The following NRG3 variants were observed in gnomAD, a reference collection of about 807,000 sequenced individuals.
The protein encoded by NRG3 is pro-neuregulin-3, membrane-bound isoform.
In NRG3, 31 loss-of-function variants were observed where a neutral mutation model predicts 66.9. That is an observed-to-expected ratio of 0.46 (90% CI 0.35 to 0.63). The LOEUF is 0.63. Among genes scored for constraint, NRG3 ranks in the 20% least tolerant of loss-of-function variants. The pLI, the probability that NRG3 is intolerant of heterozygous loss-of-function variation, is 0.00. For synonymous variants in NRG3, 393 were observed against 359.4 expected (o/e 1.09, Z -1.06); for missense variants, 910 against 878.9 (o/e 1.04, Z -0.45).
At chr10:82,041,810 A>ATCTC (rs71007288) in intron 1 of NRG3, among the ~76,000 whole-genome samples, 31,550 of 93,890 alleles carry the variant, frequency 0.34, 3,407 homozygotes, top group Middle Eastern at 0.41. Context: ...TGGTCTACTG[A>ATCTC]TCTCTCTCTC....
chr10:82,966,697 A>G (rs183033713), intron 6 of NRG3, among the ~76,000 whole-genome samples: 119 of 152,254 alleles, frequency 7.8e-4, no homozygotes, highest in African/African-American at 2.7e-3. Context: ...TTGGGATTCT[A>G]TCACAAAGGG....
intron 1 of NRG3, among the ~76,000 whole-genome samples, chr10:82,271,752 C>A (rs2078608641): frequency 6.6e-5 from 10 of 152,032 alleles, no homozygotes; most frequent in African/African-American, 2.2e-4. Context: ...AAAAGAGAAA[C>A]AGCATGAATA....
At chr10:82,648,967 C>A (rs2133872254) in intron 2 of NRG3, among the ~76,000 whole-genome samples, 1 of 152,220 alleles carries the variant, frequency 6.6e-6, no homozygotes, top group Non-Finnish European at 1.5e-5. Context: ...ATTGATGGGA[C>A]ATATCTCAAA....
At chr10:82,793,416 G>A (rs2060670188) in intron 3 of NRG3, among the ~76,000 whole-genome samples, 1 of 152,132 alleles carries the variant, frequency 6.6e-6, no homozygotes, top group Non-Finnish European at 1.5e-5. Flanking sequence ...ACCCAGTCAG[G>A]AAGCATCTTA....
chr10:82,151,007 A>G (rs544689259), intron 1 of NRG3, among the ~76,000 whole-genome samples: 1 of 152,362 alleles, frequency 6.6e-6, no homozygotes, highest in African/African-American at 2.4e-5. Context: ...ATGTACAGAA[A>G]GCCTGGATAG....
At chr10:81,891,866 G>A (rs1438785683) in intron 1 of NRG3, among the ~76,000 whole-genome samples, 2 of 152,000 alleles carry the variant, frequency 1.3e-5, no homozygotes, top group African/African-American at 4.8e-5. Context: ...AGGAGGCCAG[G>A]GTTTTAAATT....
At chr10:82,669,906 C>T (rs1381172579) in intron 2 of NRG3, among the ~76,000 whole-genome samples, 1 of 149,062 alleles carries the variant, frequency 6.7e-6, no homozygotes, top group African/African-American at 2.5e-5. Context: ...CCAGCCTGGG[C>T]GACAGAGAGA....
intron 1 of NRG3, among the ~76,000 whole-genome samples, chr10:82,075,707 G>A (rs1278554460): frequency 3.3e-5 from 5 of 151,870 alleles, no homozygotes; most frequent in African/African-American, 7.3e-5. Context: ...TTTTTTCGAA[G>A]TGTATGCTGT....
At chr10:82,971,999 C>A (rs1355190974) in intron 6 of NRG3, among the ~76,000 whole-genome samples, 1 of 152,062 alleles carries the variant, frequency 6.6e-6, no homozygotes, top group Non-Finnish European at 1.5e-5. Flanking sequence ...ACATAGAAGA[C>A]CAGATATTCA....
At chr10:82,208,861 G>A (rs538041527) in intron 1 of NRG3, among the ~76,000 whole-genome samples, 32 of 152,222 alleles carry the variant, frequency 2.1e-4, no homozygotes, top group Admixed American at 1.4e-3. Context: ...ATTGTTTTGG[G>A]TAGTTGGTTT....
chr10:82,926,480 C>T (rs550211404), intron 4 of NRG3, among the ~76,000 whole-genome samples: 1 of 152,304 alleles, frequency 6.6e-6, no homozygotes, highest in Admixed American at 6.5e-5. Context: ...TAAATAAAAA[C>T]TTTCTAAAAA....
intron 3 of NRG3, among the ~76,000 whole-genome samples, chr10:82,783,595 C>G (rs1201613145): frequency 6.6e-6 from 1 of 152,118 alleles, no homozygotes; most frequent in Non-Finnish European, 1.5e-5. Context: ...CATGAGTGAA[C>G]TCCCATTCAC....
chr10:82,097,966 T>A (rs1479477648), intron 1 of NRG3, among the ~76,000 whole-genome samples: 3 of 151,916 alleles, frequency 2.0e-5, no homozygotes, highest in African/African-American at 4.8e-5. Flanking sequence ...ATCATTTCAT[T>A]TTGAAAGTAG....
intron 3 of NRG3, among the ~76,000 whole-genome samples, chr10:82,860,164 T>C (rs342399): frequency 3.3e-5 from 5 of 152,064 alleles, no homozygotes; most frequent in African/African-American, 9.7e-5. Flanking sequence ...CGGTAACCAA[T>C]GAAGAAATAT....
At position 82,418,402 on chromosome 10, in the gene NRG3, A is replaced by G. The variant is rs113256720; in HGVS notation, c.953+59534A>G. Among the ~76,000 whole-genome samples the G allele has an allele frequency of 8.2e-3, 1,200 of 145,632 alleles. 8 individuals carry two copies. The highest frequency in any genetic ancestry group is 0.022 in the African/African-American group (837 of 38,918). On this transcript the variant is annotated intron_variant, in intron 2 of 8. Coordinates refer to ENST00000372141, the MANE Select transcript of NRG3 (RefSeq NM_001010848.4). ...AATTAACCAGTTTATGCAAATGTTT[A>G]TGCAAATTAACCAGTTTATGCAAAT...
Position 82,081,770 on chromosome 10 carries a change from G to A in NRG3, c.823+205607G>A, listed in dbSNP as rs182385316. On this transcript the variant is annotated intron_variant, in intron 1 of 8. Coordinates refer to ENST00000372141, the MANE Select transcript of NRG3 (RefSeq NM_001010848.4). ...GGCAGTGGGGCCATTTCTCCGCATG[G>A]TCTTGGTCTGGGTGCATGTGCCACA... Among the ~76,000 whole-genome samples the A allele has an allele frequency of 2.0e-4, 30 of 152,298 alleles. No homozygotes were observed. The East Asian group carries it at 2.5e-3, about 13-fold the overall frequency.
chr10:82,203,927 T>A (rs2074981206), intron 1 of NRG3, among the ~76,000 whole-genome samples: 1 of 152,216 alleles, frequency 6.6e-6, no homozygotes, highest in Non-Finnish European at 1.5e-5. Flanking sequence ...ATAACCTGAC[T>A]TTTCATTATG....
At chr10:82,421,350 A>T (rs925166883) in intron 2 of NRG3, among the ~76,000 whole-genome samples, 17 of 152,100 alleles carry the variant, frequency 1.1e-4, no homozygotes, top group African/African-American at 4.1e-4. Context: ...TTTGGGAGAT[A>T]ATGAGTGCTA....
rs374734518 is a variant in NRG3, at chr10:82,439,330, T to A, written c.953+80462T>A. Among the ~76,000 whole-genome samples, 18 of 151,748 alleles carry A rather than the reference T, an allele frequency of 1.2e-4. 1 individual carries two copies. In the East Asian group the frequency reaches 1.5e-3, roughly 13 times the overall value. On this transcript the variant is annotated intron_variant, in intron 2 of 8. Transcript: ENST00000372141. ...GCATGAGCACAGGATATTCTCTGTT[T>A]GTTTGTGGTTCTTTTATGTAATTTT...
Sources: gnomAD v4.1 joint callset for allele counts (sites outside exome capture counted in the v4.1 genomes callset) on GRCh38, gnomAD v4.1.1 for gene constraint, MANE v1.5 for transcripts, NCBI Gene and HGNC (gene_info 2026-07-23, HGNC 2026-07-21) for gene names.